Variants in SYT14 observed in about 807,000 individuals in gnomAD.
SYT14 encodes the protein synaptotagmin 14.
A neutral mutation model predicts 74.2 loss-of-function variants in SYT14; 32 were observed. The ratio of observed to expected loss-of-function variants is 0.43; its 90% CI spans 0.33 to 0.58. SYT14 has a LOEUF of 0.58. SYT14 is among the 20% of genes least tolerant of loss of function. The pLI is 0.05. For missense variants in SYT14, 791 were observed against 981.8 expected (o/e 0.81, Z 2.60); for synonymous variants, 298 against 337.7 (o/e 0.88, Z 1.29).
chr1:209,957,555 T>G lies in SYT14; in HGVS notation c.-486+4799T>G, dbSNP rs866150359. Among the ~76,000 whole-genome samples the G allele has an allele frequency of 4.0e-4, 61 of 152,160 alleles. 1 individual carries two copies. The highest frequency in any genetic ancestry group is 6.8e-3 in the Middle Eastern group (2 of 294). On this transcript the variant is annotated intron_variant, in intron 2 of 9. Coordinates refer to ENST00000637265, the Ensembl canonical transcript of SYT14. ...GATTCTCCTGCCTCAGCCTCCCAAG[T>G]AGCTGGGATTACAGGCATGCACCAC...
intron 2 of SYT14, among the ~76,000 whole-genome samples, chr1:210,000,454 T>G (rs2079873265): frequency 1.6e-5 from 2 of 122,164 alleles, no homozygotes; most frequent in African/African-American, 7.9e-5. Flanking sequence ...TTTTAGTCCT[T>G]TGTCCTCATA....
At chr1:210,153,269 T>TAAAAGAA (rs2083204088) in intron 7 of SYT14, among the ~76,000 whole-genome samples, 1 of 152,174 alleles carries the variant, frequency 6.6e-6, no homozygotes, top group Non-Finnish European at 1.5e-5. Context: ...GCTCATCTGT[T>TAAAAGAA]TGTTGTGTAG....
At chr1:209,959,010 TA>T (rs1048247322) in intron 2 of SYT14, among the ~76,000 whole-genome samples, 7 of 150,864 alleles carry the variant, frequency 4.6e-5, no homozygotes, top group African/African-American at 7.3e-5. Flanking sequence ...ACAAAGTTCC[TA>T]AAAAAAAATA....
chr1:209,940,089 A>T (rs866305348), intron 1 of SYT14, among the ~76,000 whole-genome samples: 1 of 152,238 alleles, frequency 6.6e-6, no homozygotes, highest in Non-Finnish European at 1.5e-5. Context: ...ATCAGGAATT[A>T]TATCTTTTCT....
intron 2 of SYT14, among the ~76,000 whole-genome samples, chr1:210,002,705 C>A (rs933118250): frequency 1.3e-5 from 2 of 152,046 alleles, no homozygotes; most frequent in African/African-American, 4.8e-5. Context: ...AAGTTGAACA[C>A]CTTTTCATAC....
At chr1:210,141,515 T>G (rs1299346778) in intron 7 of SYT14, among the ~76,000 whole-genome samples, 1 of 152,256 alleles carries the variant, frequency 6.6e-6, no homozygotes, top group Non-Finnish European at 1.5e-5. Flanking sequence ...ACTTCCAATC[T>G]GAATGCCTTG....
chr1:209,998,588 T>C (rs1455399178), intron 2 of SYT14, among the ~76,000 whole-genome samples: 3 of 152,176 alleles, frequency 2.0e-5, no homozygotes, highest in Admixed American at 2.0e-4. Flanking sequence ...GATGTTGATA[T>C]TAAAGCAGAC....
intron 2 of SYT14, among the ~76,000 whole-genome samples, chr1:209,962,328 T>C (rs1262850916): frequency 6.6e-6 from 1 of 151,930 alleles, no homozygotes; most frequent in African/African-American, 2.4e-5. Context: ...TATTCTTGAA[T>C]TGAGGGGACC....
chr1:209,973,169 CTTTTT>C, intron 2 of SYT14, among the ~76,000 whole-genome samples: 1 of 145,714 alleles, frequency 6.9e-6, no homozygotes, highest in South Asian at 2.2e-4. Flanking sequence ...GACTCCAGCT[CTTTTT>C]TTTTTCTGTT....
chr1:209,981,557 C>T (rs1261641876), intron 2 of SYT14, among the ~76,000 whole-genome samples: 1 of 146,438 alleles, frequency 6.8e-6, no homozygotes, highest in Non-Finnish European at 1.5e-5. Flanking sequence ...CTTAGGCAGT[C>T]CTCCCACCTT....
rs186112231 is a variant in SYT14 at position 210,107,129 on chromosome 1, T to G, written c.2034+6668T>G. On this transcript the variant is annotated intron_variant, in intron 7 of 9. Transcript: ENST00000637265. ...ATCTGCTTTGACTCCATGTCTGACA[T>G]CCAGGTCATGCTGATGCAAGAGATG... Among the ~76,000 whole-genome samples the G allele has an allele frequency of 1.5e-3, 236 of 152,358 alleles. 1 individual carries two copies. Among genetic ancestry groups the G allele is most frequent in the Middle Eastern group, 6.8e-3 (2 of 294 alleles).
chr1:210,018,578 T>C (rs1433554753), intron 4 of SYT14, among the ~76,000 whole-genome samples: 1 of 152,210 alleles, frequency 6.6e-6, no homozygotes, highest in African/African-American at 2.4e-5. Flanking sequence ...AATGATAGAA[T>C]GGATACTAGT....
At chr1:210,038,667 C>G (rs1026956931) in intron 5 of SYT14, among the ~76,000 whole-genome samples, 1 of 152,100 alleles carries the variant, frequency 6.6e-6, no homozygotes, top group Non-Finnish European at 1.5e-5. Context: ...TATTCTCTTT[C>G]ATTTATGAAG....
chr1:210,063,134 G>C (rs1403392797), intron 5 of SYT14, among the ~76,000 whole-genome samples: 1 of 150,584 alleles, frequency 6.6e-6, no homozygotes, highest in African/African-American at 2.4e-5. Flanking sequence ...CGTTCAGAAA[G>C]ACCTTTCCTG....
At chr1:210,123,785 G>A (rs532553390) in intron 7 of SYT14, among the ~76,000 whole-genome samples, 1 of 152,046 alleles carries the variant, frequency 6.6e-6, no homozygotes, top group Non-Finnish European at 1.5e-5. Context: ...GCCTCCACCA[G>A]GAAAGAGAAA....
intron 7 of SYT14, among the ~76,000 whole-genome samples, chr1:210,139,526 C>G (rs1194844766): frequency 6.6e-6 from 1 of 151,832 alleles, no homozygotes; most frequent in Non-Finnish European, 1.5e-5. Flanking sequence ...TAAAATTCAC[C>G]CTTTTATAGT....
At chr1:210,099,311 C>T (rs1332574007) in intron 6 of SYT14, among the ~76,000 whole-genome samples, 2 of 151,944 alleles carry the variant, frequency 1.3e-5, no homozygotes, top group East Asian at 1.9e-4. Flanking sequence ...TAAAAACTAC[C>T]GTTACAGCCT....
At chr1:209,959,583 A>G (rs1333488539) in intron 2 of SYT14, among the ~76,000 whole-genome samples, 2 of 152,220 alleles carry the variant, frequency 1.3e-5, no homozygotes, top group South Asian at 2.1e-4. Context: ...GATACAAGCT[A>G]CAACATTGGT....
chr1:210,144,050 A>T (rs2082978899), intron 7 of SYT14, among the ~76,000 whole-genome samples: 1 of 152,290 alleles, frequency 6.6e-6, no homozygotes, highest in South Asian at 2.1e-4. Flanking sequence ...CTTATTCATA[A>T]ACTCAACTGT....
Sources: gnomAD v4.1 joint callset for allele counts (sites outside exome capture counted in the v4.1 genomes callset) on GRCh38, gnomAD v4.1.1 for gene constraint, MANE v1.5 for transcripts, NCBI Gene and HGNC (gene_info 2026-07-23, HGNC 2026-07-21) for gene names.